Variants in GNG7 observed in about 807,000 individuals in gnomAD.
GNG7 encodes the protein guanine nucleotide-binding protein G(I)/G(S)/G(O) subunit gamma-7.
A neutral mutation model predicts 4.0 loss-of-function variants in GNG7; 1 was observed. The ratio of observed to expected loss-of-function variants is 0.25; its 90% CI spans 0.09 to 1.18. The LOEUF is 1.18. Ranked by LOEUF, GNG7 falls within the 50% of genes most tolerant of loss-of-function variation. GNG7 has a pLI of 0.50. For synonymous variants in GNG7, 34 were observed against 36.9 expected, an observed-to-expected ratio of 0.92 and a Z score of 0.29; for missense variants, 86 against 91.9, an observed-to-expected ratio of 0.94 and a Z score of 0.26.
chr19:2,619,645 C>T (rs1193527872), intron 2 of GNG7, among the ~76,000 whole-genome samples: 1 of 152,168 alleles, frequency 6.6e-6, no homozygotes. Context: ...GGACATCACA[C>T]TCTATGAAAG....
At chr19:2,599,131 C>T (rs947749050) in intron 2 of GNG7, among the ~76,000 whole-genome samples, 1 of 152,116 alleles carries the variant, frequency 6.6e-6, no homozygotes, top group Non-Finnish European at 1.5e-5. Flanking sequence ...GGGGTGGGGG[C>T]GTGCCGCTGG....
chr19:2,693,129 A>G (rs1429923494), intron 1 of GNG7, among the ~76,000 whole-genome samples: 1 of 151,890 alleles, frequency 6.6e-6, no homozygotes, highest in Non-Finnish European at 1.5e-5. Flanking sequence ...CATCTCTACA[A>G]AAAATTAGCC....
In GNG7 at chr19:2,514,522, C is replaced by T. The variant is rs1417745639; in HGVS notation, c.*500G>A. ...AAAACTTCATGATGTCACCTCCCGCCCCCCATCTCAATTTTACCTCTACTT... is the reference window on the plus strand; with the variant it reads ...AAAACTTCATGATGTCACCTCCCGCTCCCCATCTCAATTTTACCTCTACTT... On this transcript the variant is annotated 3_prime_UTR_variant, in exon 5 of 5. Coordinates refer to ENST00000382159, the MANE Select transcript of GNG7 (RefSeq NM_052847.3). 1 of 153,024 alleles carries T rather than the reference C, an allele frequency of 6.5e-6. No homozygotes were observed. The highest frequency in any genetic ancestry group is 2.4e-5 in the African/African-American group (1 of 41,366). The allele number at this position is 153,024 out of a possible 1,614,324, so 9.5% of individuals were successfully genotyped here.
At chr19:2,694,575 A>G (rs376345356) in intron 1 of GNG7, among the ~76,000 whole-genome samples, 7 of 152,094 alleles carry the variant, frequency 4.6e-5, no homozygotes, top group African/African-American at 1.7e-4. Context: ...TGATCACACT[A>G]GACACCAGAA....
chr19:2,656,029 C>CA lies in GNG7; in HGVS notation c.-134-9750dup, dbSNP rs55687607. Among the ~76,000 whole-genome samples, 231 of 98,078 alleles carry CA rather than the reference C, an allele frequency of 2.4e-3. 1 individual carries two copies. The highest frequency in any genetic ancestry group is 5.7e-3 in the East Asian group (21 of 3,674). 64.3% of individuals were successfully genotyped at this position (98,078 alleles called of 152,430 possible). On this transcript the variant is annotated intron_variant, in intron 1 of 4. Transcript: ENST00000382159. Reference sequence around the variant, plus strand: ...GACAGAGTGAGACTCCGATTCAAAACAAAAAAAAAAAAAAGAAAGAAAGAA... The same window carrying CA: ...GACAGAGTGAGACTCCGATTCAAAACAAAAAAAAAAAAAAAGAAAGAAAGAA...
rs1220937751 is a variant in GNG7, at chr19:2,640,086, GAGGA to G, written c.-78+6134_-78+6137del. On this transcript the variant is annotated intron_variant, in intron 2 of 4. Coordinates refer to ENST00000382159, the MANE Select transcript of GNG7 (RefSeq NM_052847.3). ...GGAGGGAGAGAGGGAAGGAGGGAGG[GAGGA>G]AGGAAGGAGGGAGGGAAGGAGGGAG... Among the ~76,000 whole-genome samples, 781 of 97,792 alleles carry G rather than the reference GAGGA, an allele frequency of 8.0e-3. 6 individuals carry two copies. Among genetic ancestry groups the G allele is most frequent in the Non-Finnish European group, 0.013 (605 of 46,706 alleles). 64.2% of individuals were successfully genotyped at this position (97,792 alleles called of 152,430 possible).
chr19:2,566,181 T>A (rs1254977712), intron 2 of GNG7, among the ~76,000 whole-genome samples: 1 of 151,362 alleles, frequency 6.6e-6, no homozygotes, highest in East Asian at 1.9e-4. Flanking sequence ...TAAATAAATA[T>A]AAAAAATAAA....
intron 4 of GNG7, among the ~76,000 whole-genome samples, chr19:2,518,505 C>T (rs909823396): frequency 1.3e-5 from 2 of 152,208 alleles, no homozygotes; most frequent in African/African-American, 4.8e-5. Flanking sequence ...TCCCGGCCAG[C>T]AGCAGCGTGA....
intron 2 of GNG7, among the ~76,000 whole-genome samples, chr19:2,622,953 C>T (rs1214959028): frequency 1.3e-5 from 2 of 152,236 alleles, no homozygotes; most frequent in African/African-American, 4.8e-5. Flanking sequence ...TGATAGAAAA[C>T]ATTGGTCCTT....
At chr19:2,681,832 G>C (rs1983743695) in intron 1 of GNG7, among the ~76,000 whole-genome samples, 1 of 152,128 alleles carries the variant, frequency 6.6e-6, no homozygotes, top group Admixed American at 6.6e-5. Flanking sequence ...GTGTGAAGTG[G>C]TATCTCACCA....
intron 1 of GNG7, among the ~76,000 whole-genome samples, chr19:2,690,254 C>T (rs1568285990): frequency 1.3e-5 from 2 of 151,906 alleles, no homozygotes; most frequent in South Asian, 2.1e-4. Flanking sequence ...TGGTGTCAGG[C>T]GCTTGTAATC....
chr19:2,626,458 G>T lies in GNG7; in HGVS notation c.-78+19766C>A, dbSNP rs1330567657. 6.6e-6 allele frequency among the ~76,000 whole-genome samples: 1 copy of T among 152,164 alleles called. No individual in the cohort carries two copies. Among genetic ancestry groups the T allele is most frequent in the Admixed American group, 6.5e-5 (1 of 15,280 alleles). On this transcript the variant is annotated intron_variant, in intron 2 of 4. Transcript: ENST00000382159. This position sits in a 1 kb window ranked among gnomAD's most constrained non-coding sequence, Gnocchi z 5.0. The stretch of plus-strand genomic sequence containing the variant: ...CTCCCTCCTGCCCTCGGGATAAAAT[G>T]CAGCCTCTGCCGTGCGGCCTCCTCA...
intron 3 of GNG7, among the ~76,000 whole-genome samples, chr19:2,551,647 A>T (rs912414473): frequency 2.1e-4 from 30 of 141,812 alleles, no homozygotes; most frequent in African/African-American, 7.6e-4. Context: ...ACATATACAT[A>T]TTTATAAATA....
intron 2 of GNG7, chr19:2,642,683 A>G: frequency 2.4e-6 from 1 of 413,610 alleles, no homozygotes; most frequent in Non-Finnish European, 4.8e-6. Flanking sequence ...TGTAGAGTTT[A>G]GGATATCGCT....
intron 2 of GNG7, among the ~76,000 whole-genome samples, chr19:2,559,246 C>A (rs1035142846): frequency 6.6e-6 from 1 of 151,792 alleles, no homozygotes; most frequent in Non-Finnish European, 1.5e-5. Flanking sequence ...ACTGAGTTTG[C>A]GAACACAAAT....
At chr19:2,601,927 G>A (rs1271273254) in intron 2 of GNG7, among the ~76,000 whole-genome samples, 1 of 151,900 alleles carries the variant, frequency 6.6e-6, no homozygotes. Flanking sequence ...GAAGACAGGG[G>A]AGGGGAGGGG....
At chr19:2,568,196 CACAT>C (rs1256413373) in intron 2 of GNG7, among the ~76,000 whole-genome samples, 4 of 150,366 alleles carry the variant, frequency 2.7e-5, no homozygotes, top group South Asian at 2.1e-4. Context: ...CACATACACA[CACAT>C]ATAGACATAC....
chr19:2,681,333 G>C (rs911117732), intron 1 of GNG7, among the ~76,000 whole-genome samples: 1 of 151,812 alleles, frequency 6.6e-6, no homozygotes, highest in South Asian at 2.1e-4. Context: ...ACAGGCGCCC[G>C]CCACCACGCC....
chr19:2,649,745 G>A (rs919027562), intron 1 of GNG7, among the ~76,000 whole-genome samples: 2 of 152,006 alleles, frequency 1.3e-5, no homozygotes, highest in Non-Finnish European at 2.9e-5. Context: ...CATACAACTC[G>A]CCCACTTGAA....
Sources: allele counts gnomAD v4.1 joint callset (sites outside exome capture counted in the v4.1 genomes callset), GRCh38; gene constraint gnomAD v4.1.1; non-coding constraint Gnocchi (gnomAD v3.1); transcripts MANE v1.5; gene names NCBI Gene and HGNC (gene_info 2026-07-23, HGNC 2026-07-21).